The following MYO10 variants were observed in gnomAD, a reference collection of about 807,000 sequenced individuals.
MYO10 encodes unconventional myosin-X.
Under a neutral mutation model 257.3 loss-of-function variants are expected in MYO10, and 133 were observed. The ratio of observed to expected loss-of-function variants is 0.52; its 90% CI spans 0.45 to 0.60. The LOEUF (loss-of-function observed/expected upper bound fraction) is 0.60. MYO10 is among the 20% of genes least tolerant of loss of function. The pLI, the probability that MYO10 is intolerant of heterozygous loss-of-function variation, is 0.00. For synonymous variants in MYO10, 1,104 were observed against 1,028.6 expected, an observed-to-expected ratio of 1.07 and a Z score of -1.40; for missense variants, 2,399 against 2,635.7, an observed-to-expected ratio of 0.91 and a Z score of 1.97.
At chr5:16,775,457 C>A (rs1400164187) in intron 9 of MYO10, among the ~76,000 whole-genome samples, 2 of 152,156 alleles carry the variant, frequency 1.3e-5, no homozygotes, top group Non-Finnish European at 2.9e-5. Flanking sequence ...GAGACAGGGT[C>A]TTACTCTGTC....
intron 2 of MYO10, among the ~76,000 whole-genome samples, chr5:16,841,120 G>A (rs907485738): frequency 1.3e-5 from 2 of 151,396 alleles, no homozygotes; most frequent in Admixed American, 1.3e-4. Flanking sequence ...ACTCCAGCCT[G>A]GGCAACAAGA....
chr5:16,880,420 G>A (rs368088153), intron 1 of MYO10, among the ~76,000 whole-genome samples: 8 of 151,918 alleles, frequency 5.3e-5, no homozygotes, highest in Admixed American at 3.3e-4. Context: ...AGAGTTATAC[G>A]ACTCTCCTAG....
At chr5:16,743,596 T>C (rs146451429) in intron 19 of MYO10, among the ~76,000 whole-genome samples, 1,733 of 151,976 alleles carry the variant, frequency 0.011, 34 homozygotes, top group African/African-American at 0.041. Context: ...TGAGCCGAGA[T>C]TGCACCACTG....
intron 32 of MYO10, among the ~76,000 whole-genome samples, chr5:16,680,625 A>G (rs1736950207): frequency 1.3e-5 from 2 of 152,242 alleles, no homozygotes; most frequent in Admixed American, 6.5e-5. Context: ...CACAACCAGC[A>G]ACAAAAATCA....
Position 16,763,709 on chromosome 5 carries a change from A to G in MYO10, c.1373T>C (p.Leu458Pro). 2 of 1,610,664 alleles carry G rather than the reference A, an allele frequency of 1.2e-6. No individual in the cohort carries two copies. Among genetic ancestry groups the G allele is most frequent in the Non-Finnish European group, 1.7e-6 (2 of 1,177,304 alleles). ...AATATGCTTGTTGAAGTACTCCTGA[A>G]GTTTCTCGTTTGCATAGTTTATATT... Reference protein sequence around the residue: ...QFNINYANEKLQEYFNKHIFS... With the variant: ...QFNINYANEKPQEYFNKHIFS... The change falls in exon 13 of 41, where the codon CTT (leucine) becomes CCT (proline). Residue 458 changes from leucine (L) to proline (P), a missense_variant. Physicochemically the swap from Leu to Pro is moderately conservative, Grantham distance 98. Around this residue, in one of 3 missense-constraint regions of MYO10, gnomAD observed 337 missense variants for 446.8 expected, o/e 0.75. Coordinates refer to ENST00000513610, the MANE Select transcript of MYO10 (RefSeq NM_012334.3).
chr5:16,765,987 C>A, intron 11 of MYO10, 93 bp downstream of exon 11: 3 of 850,012 alleles, frequency 3.5e-6, no homozygotes, highest in Non-Finnish European at 5.8e-6. Flanking sequence ...ACAGTTACAA[C>A]TGTTATTATA....
intron 1 of MYO10, among the ~76,000 whole-genome samples, chr5:16,914,589 C>T (rs1012402852): frequency 3.9e-5 from 6 of 152,120 alleles, no homozygotes; most frequent in South Asian, 2.1e-4. Flanking sequence ...TTTTTCTAGC[C>T]CCAGATATGT....
chr5:16,690,938 T>C (rs1215560030), intron 27 of MYO10, among the ~76,000 whole-genome samples: 1 of 152,016 alleles, frequency 6.6e-6, no homozygotes, highest in Non-Finnish European at 1.5e-5. Context: ...GAAGAAGGGT[T>C]TGGGGCATAA....
chr5:16,806,077 G>A (rs1742267577), intron 3 of MYO10, among the ~76,000 whole-genome samples: 1 of 152,124 alleles, frequency 6.6e-6, no homozygotes, highest in Non-Finnish European at 1.5e-5. Flanking sequence ...GGGTGCAGTG[G>A]ATCACGCCTA....
intron 2 of MYO10, among the ~76,000 whole-genome samples, chr5:16,830,890 G>GGTTGCCAGA (rs1190725252): frequency 6.6e-6 from 1 of 152,168 alleles, no homozygotes; most frequent in Non-Finnish European, 1.5e-5. Flanking sequence ...ACAGACTGGT[G>GGTTGCCAGA]GTTGCCAGAG....
At chr5:16,742,086 T>A in intron 19 of MYO10, 5 of 985,424 alleles carry the variant, frequency 5.1e-6, no homozygotes, top group Non-Finnish European at 6.0e-6. Flanking sequence ...AACAAATGTG[T>A]AATTACATTT....
At position 16,822,265 on chromosome 5, in the gene MYO10, G is replaced by GAA. The variant is rs11385859; in HGVS notation, c.121-4100_121-4099dup. ...CAAACTAAACTTAAAATAAAAGTTGGAAAAAAAAAACGAGTCAAGCAAATA... is the reference window on the plus strand; with the variant it reads ...CAAACTAAACTTAAAATAAAAGTTGGAAAAAAAAAAAACGAGTCAAGCAAATA... On this transcript the variant is annotated intron_variant, in intron 2 of 40. Coordinates refer to ENST00000513610, the MANE Select transcript of MYO10 (RefSeq NM_012334.3). Among the ~76,000 whole-genome samples the GAA allele has an allele frequency of 2.0e-4, 30 of 147,608 alleles. No individual in the cohort carries two copies. The South Asian group carries it at 2.6e-3, about 13-fold the overall frequency.
At chr5:16,795,449 C>G (rs757647339) in intron 3 of MYO10, among the ~76,000 whole-genome samples, 7 of 151,984 alleles carry the variant, frequency 4.6e-5, no homozygotes, top group Non-Finnish European at 1.0e-4. Flanking sequence ...ACTAAAAATA[C>G]AAAAATTAGC....
intron 2 of MYO10, among the ~76,000 whole-genome samples, chr5:16,865,169 G>A (rs1744210053): frequency 6.6e-6 from 1 of 152,036 alleles, no homozygotes; most frequent in Admixed American, 6.6e-5. Context: ...AAAAAAAGAA[G>A]CCAAAAACTA....
chr5:16,918,715 G>T (rs1010082268), intron 1 of MYO10, among the ~76,000 whole-genome samples: 3 of 151,766 alleles, frequency 2.0e-5, no homozygotes, highest in Non-Finnish European at 4.4e-5. Context: ...TGGTCAGGCT[G>T]GTCTCAAACT....
At chr5:16,836,227 C>T (rs912616156) in intron 2 of MYO10, among the ~76,000 whole-genome samples, 7 of 152,262 alleles carry the variant, frequency 4.6e-5, no homozygotes, top group African/African-American at 1.7e-4. Context: ...TTCAAATTTG[C>T]ATTTTAGAAT....
intron 2 of MYO10, among the ~76,000 whole-genome samples, chr5:16,870,873 C>T (rs1364527592): frequency 3.3e-5 from 5 of 152,138 alleles, no homozygotes; most frequent in African/African-American, 1.2e-4. Context: ...GCCTGGACAA[C>T]AAGAGCAAAA....
At chr5:16,934,007 T>G (rs1746365696) in intron 1 of MYO10, among the ~76,000 whole-genome samples, 1 of 152,210 alleles carries the variant, frequency 6.6e-6, no homozygotes, top group Admixed American at 6.5e-5. Flanking sequence ...ATCTTTGGGT[T>G]AAGATTCTGT....
At chr5:16,737,939 G>A (rs760610287) in intron 19 of MYO10, among the ~76,000 whole-genome samples, 8 of 152,202 alleles carry the variant, frequency 5.3e-5, no homozygotes, top group Non-Finnish European at 1.0e-4. Context: ...GATAGCTGAC[G>A]CGGAAGGAAA....
Sources: gnomAD v4.1 joint callset for allele counts (sites outside exome capture counted in the v4.1 genomes callset) on GRCh38, gnomAD v4.1.1 for gene constraint, gnomAD v4.1.1 regional missense constraint, MANE v1.5 for transcripts, NCBI Gene and HGNC (gene_info 2026-07-23, HGNC 2026-07-21) for gene names.